The following YTHDC2 variants were observed in gnomAD, a reference collection of about 807,000 sequenced individuals.
The protein encoded by YTHDC2 is 3'-5' RNA helicase YTHDC2.
In YTHDC2, 45 loss-of-function variants were observed where a neutral mutation model predicts 174.9. The ratio of observed to expected loss-of-function variants is 0.26; its 90% confidence interval spans 0.20 to 0.33. The LOEUF (loss-of-function observed/expected upper bound fraction) is 0.33. Ranked by LOEUF, YTHDC2 falls within the 10% of genes least tolerant of loss-of-function variation. YTHDC2 has a pLI of 1.00. For synonymous variants in YTHDC2, 657 were observed against 574.5 expected, an observed-to-expected ratio of 1.14 and a Z score of -2.05; for missense variants, 1,650 against 1,723.7, an observed-to-expected ratio of 0.96 and a Z score of 0.76.
chr5:113,551,175 G>T (rs1776229649), intron 12 of YTHDC2, among the ~76,000 whole-genome samples: 1 of 151,936 alleles, frequency 6.6e-6, no homozygotes, highest in East Asian at 1.9e-4. Context: ...TTCTGATATG[G>T]TAGGTTTAGT....
chr5:113,589,965 A>G (rs1298218603), intron 26 of YTHDC2, among the ~76,000 whole-genome samples: 1 of 152,060 alleles, frequency 6.6e-6, no homozygotes, highest in Non-Finnish European at 1.5e-5. Context: ...CTGTGGAGAA[A>G]ATGCAAGTAC....
chr5:113,588,039 A>AG (rs1475139646), intron 26 of YTHDC2, among the ~76,000 whole-genome samples: 1 of 152,070 alleles, frequency 6.6e-6, no homozygotes, highest in Non-Finnish European at 1.5e-5. Flanking sequence ...TTTTAATTGC[A>AG]GGTATTCATT....
intron 6 of YTHDC2, among the ~76,000 whole-genome samples, chr5:113,535,244 G>T (rs1774974244): frequency 6.6e-6 from 1 of 152,154 alleles, no homozygotes; most frequent in African/African-American, 2.4e-5. Flanking sequence ...AAAGAATACA[G>T]TGTAACTATT....
intron 16 of YTHDC2, 107 bp downstream of exon 16, chr5:113,554,129 ACT>A: frequency 1.5e-6 from 1 of 651,582 alleles, no homozygotes; most frequent in Non-Finnish European, 2.0e-6. Flanking sequence ...TTTTACCTCT[ACT>A]CAAGACAGCT....
chr5:113,541,170 A>C (rs936918725), intron 9 of YTHDC2, 54 bp downstream of exon 9: 1 of 1,599,314 alleles, frequency 6.3e-7, no homozygotes, highest in African/African-American at 1.4e-5. Context: ...GTGTAGGTTA[A>C]AGAACATTTT....
intron 20 of YTHDC2, among the ~76,000 whole-genome samples, chr5:113,565,128 A>G (rs1777245547): frequency 6.6e-6 from 1 of 152,180 alleles, no homozygotes. Flanking sequence ...TTTTTTAAAA[A>G]TCTAACTTTG....
chr5:113,534,720 A>C (rs1774937908), intron 6 of YTHDC2, among the ~76,000 whole-genome samples: 1 of 151,812 alleles, frequency 6.6e-6, no homozygotes, highest in African/African-American at 2.4e-5. Context: ...TAGAGTTCTC[A>C]AAAAAAAGGG....
At chr5:113,548,380 C>T (rs1776027968) in intron 10 of YTHDC2, among the ~76,000 whole-genome samples, 161 bp from the exon 11 acceptor site, 1 of 152,082 alleles carries the variant, frequency 6.6e-6, no homozygotes, top group Admixed American at 6.6e-5. Flanking sequence ...TGTAAGTGAT[C>T]TAAGTTAAGG....
At chr5:113,537,257 A>T (rs1277628802) in intron 7 of YTHDC2, among the ~76,000 whole-genome samples, 1 of 151,962 alleles carries the variant, frequency 6.6e-6, no homozygotes, top group African/African-American at 2.4e-5. Flanking sequence ...TTGAATTTTT[A>T]CCGGTGTCGT....
chr5:113,585,027 C>T (rs1489685182), intron 26 of YTHDC2, among the ~76,000 whole-genome samples: 1 of 151,950 alleles, frequency 6.6e-6, no homozygotes, highest in Non-Finnish European at 1.5e-5. Flanking sequence ...GTGATCTTCC[C>T]ATCTCAGCCT....
intron 2 of YTHDC2, among the ~76,000 whole-genome samples, chr5:113,518,470 A>C (rs892544577): frequency 1.3e-4 from 20 of 151,994 alleles, no homozygotes; most frequent in African/African-American, 4.6e-4. Flanking sequence ...CCAAAGTACT[A>C]AGATTACAGA....
intron 8 of YTHDC2, among the ~76,000 whole-genome samples, chr5:113,540,561 A>C (rs1319115823): frequency 6.6e-6 from 1 of 152,198 alleles, no homozygotes; most frequent in Admixed American, 6.5e-5. Flanking sequence ...TTTACATGGC[A>C]GCAAGAGAGA....
At chr5:113,514,351 G>C in intron 1 of YTHDC2, 1 of 659,606 alleles carries the variant, frequency 1.5e-6, no homozygotes, top group South Asian at 1.5e-5. Context: ...TCTTTCAGCA[G>C]CCTTGGGCGG....
chr5:113,578,017 A>G (rs1227447836), intron 23 of YTHDC2, among the ~76,000 whole-genome samples: 3 of 152,196 alleles, frequency 2.0e-5, no homozygotes, highest in Non-Finnish European at 4.4e-5. Flanking sequence ...ACCAAAATGT[A>G]TTCCTTTTAT....
At chr5:113,588,922 G>T (rs1347082343) in intron 26 of YTHDC2, among the ~76,000 whole-genome samples, 1 of 151,966 alleles carries the variant, frequency 6.6e-6, no homozygotes, top group Non-Finnish European at 1.5e-5. Context: ...ACCATGCCTG[G>T]CCAACAGTGT....
rs533027346 is a variant in YTHDC2 at position 113,547,624 on chromosome 5, C to T, written c.1496-917C>T. The stretch of plus-strand genomic sequence containing the variant: ...CATATGGGATATACTTTTTATTTTC[C>T]TCTCAGTTTTGCTGTGAATCTAAAA... On this transcript the variant is annotated intron_variant, in intron 10 of 29. Transcript: ENST00000161863. Among the ~76,000 whole-genome samples the T allele has an allele frequency of 5.9e-5, 9 of 152,070 alleles. No homozygotes were observed. The South Asian group carries it at 1.7e-3, about 28-fold the overall frequency.
At chr5:113,563,172 G>C (rs1051768500) in intron 18 of YTHDC2, among the ~76,000 whole-genome samples, 1 of 152,004 alleles carries the variant, frequency 6.6e-6, no homozygotes, top group Non-Finnish European at 1.5e-5. Flanking sequence ...GTTGATTGAA[G>C]AGGGTATTTA....
chr5:113,533,072 C>T, intron 5 of YTHDC2, 27 bp downstream of exon 5: 1 of 1,601,778 alleles, frequency 6.2e-7, no homozygotes, highest in Admixed American at 1.7e-5. Flanking sequence ...TGTATCTTCT[C>T]TTTTATCATG....
intron 1 of YTHDC2, among the ~76,000 whole-genome samples, chr5:113,514,580 A>G (rs987786912): frequency 2.0e-5 from 3 of 152,172 alleles, no homozygotes; most frequent in African/African-American, 7.2e-5. Flanking sequence ...TTGAGGTTAG[A>G]TAGCCACTTG....
Sources: gnomAD v4.1 joint callset for allele counts (sites outside exome capture counted in the v4.1 genomes callset) on GRCh38, gnomAD v4.1.1 for gene constraint, MANE v1.5 for transcripts, NCBI Gene and HGNC (gene_info 2026-07-23, HGNC 2026-07-21) for gene names.